Variants in PHF21B observed in about 807,000 individuals in gnomAD.
The protein encoded by PHF21B is PHD finger protein 21B.
Under a neutral mutation model 62.2 loss-of-function variants are expected in PHF21B, and 22 were observed. The observed-to-expected ratio is 0.35, with a 90% CI of 0.25 to 0.51. The LOEUF is 0.51. Among genes scored for constraint, PHF21B ranks in the 20% least tolerant of loss-of-function variants. The pLI, the probability that PHF21B is intolerant of heterozygous loss-of-function variation, is 0.97. For synonymous variants in PHF21B, 341 were observed against 314.7 expected (o/e 1.08, Z -0.88); for missense variants, 701 against 707.9 (o/e 0.99, Z 0.11).
intron 2 of PHF21B, among the ~76,000 whole-genome samples, chr22:44,954,778 C>A (rs975627568): frequency 6.6e-6 from 1 of 152,176 alleles, no homozygotes; most frequent in Non-Finnish European, 1.5e-5. Context: ...TCCTTCCCAC[C>A]CCACGCTCCC....
intron 9 of PHF21B, among the ~76,000 whole-genome samples, chr22:44,888,815 G>A (rs2070907673): frequency 6.6e-6 from 1 of 152,168 alleles, no homozygotes; most frequent in Admixed American, 6.5e-5. Context: ...GGGAGGGAGA[G>A]GCGGTTGTCA....
At chr22:44,888,859 G>C (rs2070909049) in intron 9 of PHF21B, among the ~76,000 whole-genome samples, 1 of 152,182 alleles carries the variant, frequency 6.6e-6, no homozygotes, top group Non-Finnish European at 1.5e-5. Context: ...CACACAGCAA[G>C]CTGGAGGGGG....
intron 2 of PHF21B, among the ~76,000 whole-genome samples, chr22:44,970,705 C>G (rs2072620862): frequency 6.6e-6 from 1 of 152,176 alleles, no homozygotes; most frequent in Non-Finnish European, 1.5e-5. Flanking sequence ...CACAGAGAAC[C>G]ATGGTCCTGC....
At chr22:44,987,454 C>A (rs2072971106) in intron 2 of PHF21B, among the ~76,000 whole-genome samples, 1 of 152,168 alleles carries the variant, frequency 6.6e-6, no homozygotes, top group Non-Finnish European at 1.5e-5. Context: ...ACAAGGCGTG[C>A]ACTCAGATCA....
chr22:44,910,778 G>A (rs549725581), intron 5 of PHF21B, among the ~76,000 whole-genome samples: 3 of 152,182 alleles, frequency 2.0e-5, no homozygotes, highest in African/African-American at 4.8e-5. Flanking sequence ...ACAGTAAATT[G>A]GTACCAGTAG....
At chr22:44,979,374 C>A (rs2072795928) in intron 2 of PHF21B, among the ~76,000 whole-genome samples, 2 of 152,356 alleles carry the variant, frequency 1.3e-5, no homozygotes, top group South Asian at 2.1e-4. Context: ...CTCTGACAGG[C>A]ACCCGAGGTC....
At position 44,981,492 on chromosome 22, in the gene PHF21B, G is replaced by A. The variant is rs560895357; in HGVS notation, c.120+27053C>T. 2.6e-5 allele frequency among the ~76,000 whole-genome samples: 4 copies of A among 152,380 alleles called. No individual in the cohort carries two copies. The East Asian group carries it at 7.7e-4, about 29-fold the overall frequency. On this transcript the variant is annotated intron_variant, in intron 2 of 12. Coordinates refer to ENST00000313237, the MANE Select transcript of PHF21B (RefSeq NM_138415.5). The stretch of plus-strand genomic sequence containing the variant: ...CACCTCACCCAAGGCCTGGCAGGCA[G>A]CAGGTGCTCAGGAAGCCCTGGCTCA...
intron 6 of PHF21B, among the ~76,000 whole-genome samples, chr22:44,895,755 C>G (rs145760927): frequency 2.1e-3 from 324 of 152,324 alleles, no homozygotes; most frequent in Non-Finnish European, 3.8e-3. Context: ...AGTCATGGAG[C>G]CAGGGCGAGT....
At chr22:44,944,351 G>T (rs571121938) in intron 2 of PHF21B, among the ~76,000 whole-genome samples, 9 of 152,160 alleles carry the variant, frequency 5.9e-5, no homozygotes, top group African/African-American at 2.2e-4. Context: ...GGAGCTGGAC[G>T]CCTGTGCTGG....
chr22:44,884,801 C>T (rs2070824900), intron 12 of PHF21B, among the ~76,000 whole-genome samples: 1 of 150,934 alleles, frequency 6.6e-6, no homozygotes, highest in Non-Finnish European at 1.5e-5. Flanking sequence ...CGACCAACAC[C>T]ATATCATCAT....
Position 44,897,409 on chromosome 22 carries a change from C to G in PHF21B, c.832-1326G>C, listed in dbSNP as rs2071080385. ...GAGCGAAGAGGTGCCAAAGCCACTC[C>G]TATGGCGTATGATGTTATATAAGAC... On this transcript the variant is annotated intron_variant, in intron 5 of 12. Coordinates refer to ENST00000313237, the MANE Select transcript of PHF21B (RefSeq NM_138415.5). 1.3e-5 allele frequency among the ~76,000 whole-genome samples: 2 copies of G among 152,110 alleles called. 1 individual carries two copies. The highest frequency in any genetic ancestry group is 4.1e-4 in the South Asian group (2 of 4,822).
At chr22:44,963,308 C>T (rs1005081606) in intron 2 of PHF21B, among the ~76,000 whole-genome samples, 14 of 152,118 alleles carry the variant, frequency 9.2e-5, no homozygotes, top group South Asian at 2.1e-4. Flanking sequence ...CGGCCCCGAG[C>T]GCAAGACAGC....
At position 44,885,919 on chromosome 22, in the gene PHF21B, C is replaced by T. The variant is rs377570315; in HGVS notation, c.1217G>A (p.Gly406Asp). Residue 406 changes from glycine (G) to aspartate (D), a missense_variant, in exon 11 of 13, where the codon GGT becomes GAT. Physicochemically the swap from Gly to Asp is moderately conservative, Grantham distance 94 (BLOSUM62 -1). Coordinates refer to ENST00000313237, the MANE Select transcript of PHF21B (RefSeq NM_138415.5). ...CQQKALKKDE[G>D]VPWTGMLAIV... ...GGCCAGCATCCCAGTCCAGGGCACA[C>T]CCTCGTCTTTCTTTAAGGCCTGGGG... The T allele has an allele frequency of 1.9e-6, 3 of 1,613,990 alleles. No homozygotes were observed. The highest frequency in any genetic ancestry group is 2.5e-6 in the Non-Finnish European group (3 of 1,180,002).
intron 2 of PHF21B, among the ~76,000 whole-genome samples, chr22:44,983,535 G>A (rs2072881220): frequency 6.6e-6 from 1 of 152,202 alleles, no homozygotes; most frequent in Non-Finnish European, 1.5e-5. Flanking sequence ...TGGAAGAGCT[G>A]GGCCCTGGGC....
chr22:44,982,966 G>A (rs1251575063), intron 2 of PHF21B, among the ~76,000 whole-genome samples: 2 of 152,180 alleles, frequency 1.3e-5, no homozygotes, highest in African/African-American at 2.4e-5. Flanking sequence ...GCAAGGGGCC[G>A]GGCGCGGTGG....
At chr22:44,987,135 C>T (rs1022204509) in intron 2 of PHF21B, among the ~76,000 whole-genome samples, 13 of 152,170 alleles carry the variant, frequency 8.5e-5, no homozygotes, top group African/African-American at 2.7e-4. Context: ...ACTTTGGTCA[C>T]GGTGTAGTGG....
At chr22:44,984,166 A>G in intron 2 of PHF21B, among the ~76,000 whole-genome samples, 1 of 138,478 alleles carries the variant, frequency 7.2e-6, no homozygotes, top group Non-Finnish European at 1.5e-5. Context: ...CATCACCACC[A>G]TCATCACCAT....
intron 2 of PHF21B, among the ~76,000 whole-genome samples, chr22:44,944,655 C>T (rs1261002471): frequency 1.3e-5 from 2 of 152,352 alleles, no homozygotes; most frequent in South Asian, 2.1e-4. Context: ...ATCCTGGTTC[C>T]TCTATCTGCT....
intron 2 of PHF21B, among the ~76,000 whole-genome samples, chr22:44,956,263 G>A (rs1240980473): frequency 6.6e-6 from 1 of 152,222 alleles, no homozygotes; most frequent in Non-Finnish European, 1.5e-5. Flanking sequence ...GCAGGAAGAG[G>A]AAGGCTATTT....
Sources: gnomAD v4.1 joint callset for allele counts (sites outside exome capture counted in the v4.1 genomes callset) on GRCh38, gnomAD v4.1.1 for gene constraint, MANE v1.5 for transcripts, NCBI Gene and HGNC (gene_info 2026-07-23, HGNC 2026-07-21) for gene names.